Variants in CNTN5 observed in about 807,000 individuals in gnomAD.
The protein encoded by CNTN5 is contactin-5.
CNTN5 carries 77 observed loss-of-function variants against 129.1 expected under a neutral mutation model. The observed-to-expected ratio is 0.60, with a 90% CI of 0.50 to 0.72. The LOEUF is 0.72. Ranked by LOEUF, CNTN5 falls within the 30% of genes least tolerant of loss-of-function variation. The pLI, the probability that CNTN5 is intolerant of heterozygous loss-of-function variation, is 0.00. For synonymous variants in CNTN5, 509 were observed against 465.6 expected (o/e 1.09, Z -1.20); for missense variants, 1,478 against 1,328.8 (o/e 1.11, Z -1.75).
chr11:99,306,578 A>G (rs903174742), intron 1 of CNTN5, among the ~76,000 whole-genome samples: 1 of 151,844 alleles, frequency 6.6e-6, no homozygotes, highest in Non-Finnish European at 1.5e-5. Context: ...TAACTTTTAG[A>G]TATAAATTAA....
chr11:99,193,654 A>G (rs1483735538), intron 1 of CNTN5, among the ~76,000 whole-genome samples: 1 of 152,210 alleles, frequency 6.6e-6, no homozygotes, highest in Non-Finnish European at 1.5e-5. Flanking sequence ...AGGTATTGGG[A>G]CTTTTCGCAC....
At chr11:99,544,532 T>C (rs57701141) in intron 2 of CNTN5, among the ~76,000 whole-genome samples, 2 of 152,344 alleles carry the variant, frequency 1.3e-5, no homozygotes, top group African/African-American at 2.4e-5. Context: ...AGCTTTCTTT[T>C]TGAGTAATTA....
At chr11:100,249,383 G>A (rs1250545483) in intron 16 of CNTN5, among the ~76,000 whole-genome samples, 1 of 152,124 alleles carries the variant, frequency 6.6e-6, no homozygotes, top group Non-Finnish European at 1.5e-5. Context: ...CATGGCTTCT[G>A]CTCAGGGCTT....
intron 21 of CNTN5, among the ~76,000 whole-genome samples, chr11:100,335,762 C>T (rs1373919889): frequency 1.5e-5 from 2 of 137,268 alleles, no homozygotes; most frequent in African/African-American, 5.4e-5. Flanking sequence ...CGTGAGACTC[C>T]ATCTCAAAAA....
rs374868177 is a variant in CNTN5 at position 100,326,425 on chromosome 11, T to A, written c.2731-14038T>A. ...TATTAAAATCTTAACAGCCCCATCT[T>A]TGTCACTCCCATAATTAATCCATCA... On this transcript the variant is annotated intron_variant, in intron 21 of 24. Transcript: ENST00000524871. Among the ~76,000 whole-genome samples the A allele has an allele frequency of 4.6e-4, 70 of 152,324 alleles. 2 individuals are homozygous for A. The East Asian group carries it at 6.0e-3, about 13-fold the overall frequency.
chr11:99,856,234 C>T (rs777711462), intron 6 of CNTN5, among the ~76,000 whole-genome samples: 14 of 152,094 alleles, frequency 9.2e-5, no homozygotes, highest in East Asian at 3.9e-4. Flanking sequence ...GAATTTCTCC[C>T]GGTAAATTCT....
At chr11:99,348,429 T>C (rs761302776) in intron 2 of CNTN5, among the ~76,000 whole-genome samples, 3 of 152,244 alleles carry the variant, frequency 2.0e-5, no homozygotes, top group Non-Finnish European at 2.9e-5. Context: ...ATAACTCTTC[T>C]ACTACCATGT....
chr11:100,099,063 G>A (rs1945121635), intron 13 of CNTN5, among the ~76,000 whole-genome samples: 1 of 152,034 alleles, frequency 6.6e-6, no homozygotes, highest in African/African-American at 2.4e-5. Context: ...AAGAGCCTAG[G>A]TATACAGAGG....
At chr11:99,511,460 C>G (rs1946832685) in intron 2 of CNTN5, among the ~76,000 whole-genome samples, 1 of 151,770 alleles carries the variant, frequency 6.6e-6, no homozygotes, top group South Asian at 2.1e-4. Context: ...GCTTTACTTC[C>G]AACTATGTGG....
At chr11:100,101,893 C>G (rs1470300807) in intron 13 of CNTN5, among the ~76,000 whole-genome samples, 1 of 152,094 alleles carries the variant, frequency 6.6e-6, no homozygotes, top group Non-Finnish European at 1.5e-5. Flanking sequence ...ATCCATGTTG[C>G]TGCGAAATAT....
intron 13 of CNTN5, among the ~76,000 whole-genome samples, chr11:100,090,033 T>G (rs1944697234): frequency 6.6e-6 from 1 of 152,142 alleles, no homozygotes. Flanking sequence ...CCTGAACATG[T>G]ATCCCAGAAC....
At chr11:99,151,893 G>A (rs1169169275) in intron 1 of CNTN5, among the ~76,000 whole-genome samples, 1 of 152,082 alleles carries the variant, frequency 6.6e-6, no homozygotes, top group African/African-American at 2.4e-5. Context: ...CAAGGGGAGG[G>A]ATAGCATTAG....
intron 2 of CNTN5, among the ~76,000 whole-genome samples, chr11:99,328,967 T>C (rs1865898064): frequency 6.6e-6 from 1 of 151,686 alleles, no homozygotes; most frequent in Non-Finnish European, 1.5e-5. Flanking sequence ...CATGTATAAG[T>C]TGGTGTGAAA....
chr11:100,051,265 C>T (rs895209856), intron 9 of CNTN5, among the ~76,000 whole-genome samples: 5 of 151,866 alleles, frequency 3.3e-5, no homozygotes, highest in African/African-American at 9.7e-5. Flanking sequence ...CAAGTCTTAC[C>T]CCTAAAAAAG....
At chr11:100,203,064 T>C (rs561419041) in intron 15 of CNTN5, among the ~76,000 whole-genome samples, 112 of 152,238 alleles carry the variant, frequency 7.4e-4, no homozygotes, top group African/African-American at 2.7e-3. Context: ...CTGTTACTAC[T>C]ATACTTACTT....
At chr11:99,222,325 A>G (rs1262405315) in intron 1 of CNTN5, among the ~76,000 whole-genome samples, 2 of 151,888 alleles carry the variant, frequency 1.3e-5, no homozygotes, top group Non-Finnish European at 2.9e-5. Context: ...GAAGTAGGGA[A>G]GGAAGGATAA....
At chr11:100,044,878 T>G (rs1183450180) in intron 9 of CNTN5, among the ~76,000 whole-genome samples, 1 of 152,242 alleles carries the variant, frequency 6.6e-6, no homozygotes, top group African/African-American at 2.4e-5. Context: ...AGAAAAGTTA[T>G]ACTGAGGAGT....
intron 6 of CNTN5, among the ~76,000 whole-genome samples, chr11:99,885,038 T>C (rs1948865332): frequency 6.6e-6 from 1 of 152,072 alleles, no homozygotes. Flanking sequence ...ATGACAGCAC[T>C]CTGGGGGGGT....
In CNTN5 at chr11:99,308,667, G is replaced by A. The variant is rs140468159; in HGVS notation, c.-209-16679G>A. On this transcript the variant is annotated intron_variant, in intron 1 of 24. Coordinates refer to ENST00000524871, the MANE Select transcript of CNTN5 (RefSeq NM_014361.4). ...TAAGCTTTCAGGAAAATATTCAACC[G>A]TTATTTCTCCAAATATTGATTTTGT... 1.0e-3 allele frequency among the ~76,000 whole-genome samples: 153 copies of A among 152,192 alleles called. 1 individual carries two copies. The highest frequency in any genetic ancestry group is 3.5e-3 in the African/African-American group (147 of 41,550).
Sources: gnomAD v4.1 joint callset for allele counts (sites outside exome capture counted in the v4.1 genomes callset) on GRCh38, gnomAD v4.1.1 for gene constraint, MANE v1.5 for transcripts, NCBI Gene and HGNC (gene_info 2026-07-23, HGNC 2026-07-21) for gene names.